Variants in PDK1 observed in about 807,000 individuals in gnomAD.
The protein encoded by PDK1 is [Pyruvate dehydrogenase (acetyl-transferring)] kinase isozyme 1, mitochondrial.
A neutral mutation model predicts 54.2 loss-of-function variants in PDK1; 39 were observed. The ratio of observed to expected loss-of-function variants is 0.72; its 90% CI spans 0.56 to 0.94. The LOEUF is 0.94. Ranked by LOEUF, PDK1 falls within the 40% of genes least tolerant of loss-of-function variation. The pLI, the probability that PDK1 is intolerant of heterozygous loss-of-function variation, is 0.00. For missense variants in PDK1, 552 were observed against 566.0 expected, an observed-to-expected ratio of 0.98 and a Z score of 0.25; for synonymous variants, 221 against 207.1, an observed-to-expected ratio of 1.07 and a Z score of -0.58.
the PDK1 span, among the ~76,000 whole-genome samples, chr2:172,639,395 C>T: frequency 5.9e-5 from 9 of 152,138 alleles, no homozygotes; most frequent in African/African-American, 1.9e-4. Flanking sequence ...GAAGTTTGGG[C>T]ACTTGATTTT....
chr2:172,610,204 A>G (rs1461152808), downstream of PDK1, among the ~76,000 whole-genome samples: 3 of 152,074 alleles, frequency 2.0e-5, no homozygotes, highest in African/African-American at 7.2e-5. Flanking sequence ...TCTATAATAT[A>G]GGATTTCAGG....
the PDK1 span, among the ~76,000 whole-genome samples, chr2:172,699,240 T>TA: frequency 6.6e-6 from 1 of 152,176 alleles, no homozygotes; most frequent in Non-Finnish European, 1.5e-5. Flanking sequence ...TATGAGAGAA[T>TA]AAAAATTTGC....
the PDK1 span, among the ~76,000 whole-genome samples, chr2:172,633,260 C>G: frequency 1.3e-5 from 2 of 151,646 alleles, no homozygotes; most frequent in Non-Finnish European, 2.9e-5. Flanking sequence ...GTTGTCCAGG[C>G]TGGTCTTAAA....
chr2:172,674,755 A>G, the PDK1 span: 1 of 151,800 alleles, frequency 6.6e-6, no homozygotes, highest in South Asian at 2.1e-4. Flanking sequence ...TCCCGTCTGA[A>G]CGCCTAGAAT....
chr2:172,686,313 G>C, the PDK1 span, among the ~76,000 whole-genome samples: 2 of 152,232 alleles, frequency 1.3e-5, no homozygotes, highest in Non-Finnish European at 2.9e-5. Context: ...TTTCTTACAA[G>C]AGGTTTGTAA....
At position 172,599,803 on chromosome 2, in the gene PDK1, A is replaced by AT. The variant is rs1691052857; in HGVS notation, c.*3834_*3835insT. 6.6e-6 allele frequency: 1 copy of AT among 152,250 alleles called. No individual in the cohort carries two copies. Among genetic ancestry groups the AT allele is most frequent in the Non-Finnish European group, 1.5e-5 (1 of 68,044 alleles). 9.4% of individuals were successfully genotyped at this position (152,250 alleles called of 1,614,324 possible). ...TGCTAACCATAGGTTTTTAATAGCA[A>AT]AAGACAAGATTGTCAGTTTTTGGTG... On this transcript the variant is annotated 3_prime_UTR_variant, in exon 11 of 11. Coordinates refer to ENST00000282077, the MANE Select transcript of PDK1 (RefSeq NM_002610.5).
the PDK1 span, among the ~76,000 whole-genome samples, chr2:172,615,936 C>T: frequency 3.3e-5 from 5 of 152,268 alleles, no homozygotes; most frequent in South Asian, 2.1e-4. Context: ...GTGCCTACAA[C>T]GGAAGAGGCA....
the PDK1 span, among the ~76,000 whole-genome samples, chr2:172,695,547 G>A: frequency 6.6e-6 from 1 of 152,116 alleles, no homozygotes; most frequent in Admixed American, 6.5e-5. Context: ...CTTTATGTAA[G>A]CCCCTCTCCT....
chr2:172,627,876 T>C, the PDK1 span, among the ~76,000 whole-genome samples: 3 of 152,340 alleles, frequency 2.0e-5, no homozygotes, highest in East Asian at 5.8e-4. Flanking sequence ...CACTTGCACG[T>C]AGACCTCAGA....
chr2:172,684,357 G>A, the PDK1 span, among the ~76,000 whole-genome samples: 1 of 152,318 alleles, frequency 6.6e-6, no homozygotes, highest in South Asian at 2.1e-4. Context: ...GGGAGGTGGA[G>A]ATTGCAGTGA....
intron 8 of PDK1, among the ~76,000 whole-genome samples, chr2:172,581,646 T>C (rs775305761): frequency 3.3e-5 from 5 of 152,228 alleles, no homozygotes; most frequent in Non-Finnish European, 7.3e-5. Context: ...AGCCTCTCTT[T>C]ACATGTTGAA....
the PDK1 span, among the ~76,000 whole-genome samples, chr2:172,632,704 G>A: frequency 7.2e-5 from 11 of 151,932 alleles, no homozygotes; most frequent in Non-Finnish European, 7.4e-5. Flanking sequence ...GGTTTTGGCC[G>A]GGCACGGTGG....
the PDK1 span, among the ~76,000 whole-genome samples, chr2:172,659,789 C>G: frequency 2.6e-5 from 4 of 152,202 alleles, no homozygotes; most frequent in Non-Finnish European, 5.9e-5. Flanking sequence ...TCTCCTACCC[C>G]AAGCCCTGCA....
At chr2:172,577,398 T>C (rs954532801) in intron 8 of PDK1, among the ~76,000 whole-genome samples, 1 of 152,126 alleles carries the variant, frequency 6.6e-6, no homozygotes, top group Non-Finnish European at 1.5e-5. Context: ...ATGTCCACCT[T>C]TTAATTGGAA....
the PDK1 span, among the ~76,000 whole-genome samples, chr2:172,680,018 AT>A: frequency 6.6e-6 from 1 of 152,150 alleles, no homozygotes; most frequent in Non-Finnish European, 1.5e-5. Flanking sequence ...ATTTGAAACC[AT>A]TTTCCCCTCA....
the PDK1 span, among the ~76,000 whole-genome samples, chr2:172,653,397 G>A: frequency 1.3e-5 from 2 of 152,146 alleles, no homozygotes; most frequent in Non-Finnish European, 2.9e-5. Context: ...GAGGTAAGGA[G>A]TTTGAGACCA....
the PDK1 span, among the ~76,000 whole-genome samples, chr2:172,705,845 C>G: frequency 0.19 from 28,799 of 152,108 alleles, 3,322 homozygotes; most frequent in African/African-American, 0.32. Flanking sequence ...CCTTTGTAAA[C>G]TTGAGTTTCT....
intron 8 of PDK1, among the ~76,000 whole-genome samples, chr2:172,585,759 A>G (rs1690186999): frequency 6.6e-6 from 1 of 152,168 alleles, no homozygotes; most frequent in African/African-American, 2.4e-5. Flanking sequence ...CCACAGCAGT[A>G]TTATGATGGA....
the PDK1 span, among the ~76,000 whole-genome samples, chr2:172,694,892 G>A: frequency 6.6e-6 from 1 of 152,158 alleles, no homozygotes; most frequent in Non-Finnish European, 1.5e-5. Context: ...CAAGGCGGGT[G>A]GATCACTTGA....
Sources: gnomAD v4.1 joint callset for allele counts (sites outside exome capture counted in the v4.1 genomes callset) on GRCh38, gnomAD v4.1.1 for gene constraint, MANE v1.5 for transcripts, NCBI Gene and HGNC (gene_info 2026-07-23, HGNC 2026-07-21) for gene names.